The following MYLK4 variants were observed in gnomAD, a reference collection of about 807,000 sequenced individuals.
The protein encoded by MYLK4 is myosin light chain kinase family member 4.
In MYLK4, 46 loss-of-function variants were observed where a neutral mutation model predicts 48.1. The ratio of observed to expected loss-of-function variants is 0.96; its 90% CI spans 0.75 to 1.22. The LOEUF is 1.22. MYLK4 is among the 50% of genes most tolerant of loss of function. MYLK4 has a pLI of 0.00. For missense variants in MYLK4, 451 were observed against 486.1 expected (o/e 0.93, Z 0.68); for synonymous variants, 170 against 180.8 (o/e 0.94, Z 0.48).
intron 2 of MYLK4, among the ~76,000 whole-genome samples, chr6:2,706,526 C>T (rs1392742323): frequency 1.3e-5 from 2 of 151,978 alleles, no homozygotes; most frequent in Non-Finnish European, 2.9e-5. Flanking sequence ...ATTTATACCT[C>T]AGTGAAGCTT....
At position 2,663,856 on chromosome 6, in the gene MYLK4, C is replaced by CTG. The variant is rs1760539892; in HGVS notation, c.*4068_*4069insCA. 6.6e-6 allele frequency: 1 copy of CTG among 152,522 alleles called. No homozygotes were observed. Among genetic ancestry groups the CTG allele is most frequent in the Non-Finnish European group, 1.5e-5 (1 of 68,040 alleles). The allele number at this position is 152,522 out of a possible 1,614,324, so 9.4% of individuals were successfully genotyped here. ...TGACATCTATCAGCTGAGACGACAGCAAAATACACATTAGGTAACATATGA... is the reference window on the plus strand; with the variant it reads ...TGACATCTATCAGCTGAGACGACAGCTGAAAATACACATTAGGTAACATATGA... On this transcript the variant is annotated 3_prime_UTR_variant, in exon 13 of 13. Coordinates refer to ENST00000274643, the MANE Select transcript of MYLK4 (RefSeq NM_001012418.5).
chr6:2,758,277 C>T, the MYLK4 span, among the ~76,000 whole-genome samples: 1 of 151,486 alleles, frequency 6.6e-6, no homozygotes, highest in South Asian at 2.1e-4. Flanking sequence ...TATACCAGGG[C>T]CTTAACAACT....
the MYLK4 span, among the ~76,000 whole-genome samples, chr6:2,764,058 G>A: frequency 1.6e-4 from 24 of 152,226 alleles, no homozygotes; most frequent in Non-Finnish European, 3.4e-4. Flanking sequence ...CTGGAACCCG[G>A]GAGGCGGAGG....
At position 2,678,509 on chromosome 6, in the gene MYLK4, A is replaced by T; in HGVS notation, c.888-137T>A. ...ATCCTGAAGCATAATTTTATAACAT[A>T]TTATTGTAATCAAGAAAATGCTTGC... On this transcript the variant is annotated intron_variant, in intron 9 of 12. Coordinates refer to ENST00000274643, the MANE Select transcript of MYLK4 (RefSeq NM_001012418.5). 3 of 975,646 alleles carry T rather than the reference A, an allele frequency of 3.1e-6. No individual in the cohort carries two copies. The South Asian group carries it at 5.5e-5, about 18-fold the overall frequency. 60.4% of individuals were successfully genotyped at this position (975,646 alleles called of 1,614,324 possible).
intron 2 of MYLK4, among the ~76,000 whole-genome samples, chr6:2,747,309 C>T (rs1044337492): frequency 6.6e-6 from 1 of 152,116 alleles, no homozygotes; most frequent in African/African-American, 2.4e-5. Flanking sequence ...AGTAACATCC[C>T]TACATATATT....
At chr6:2,721,620 G>A (rs1416624048) in intron 2 of MYLK4, among the ~76,000 whole-genome samples, 1 of 152,172 alleles carries the variant, frequency 6.6e-6, no homozygotes, top group Non-Finnish European at 1.5e-5. Flanking sequence ...ACCCAAGACT[G>A]CCTCATATGT....
chr6:2,763,872 C>T, the MYLK4 span, among the ~76,000 whole-genome samples: 3 of 151,372 alleles, frequency 2.0e-5, no homozygotes, highest in South Asian at 4.2e-4. Flanking sequence ...CACGGTCGGG[C>T]GCAGTGGCTC....
upstream of MYLK4, among the ~76,000 whole-genome samples, chr6:2,753,870 TAA>T (rs1215898066): frequency 6.6e-6 from 1 of 150,628 alleles, no homozygotes; most frequent in Non-Finnish European, 1.5e-5. Flanking sequence ...ATGAAAAAAA[TAA>T]AAGATAGGTT....
At chr6:2,749,500 G>GTTTAA in intron 1 of MYLK4, 94 bp from the exon 2 acceptor site, 1 of 422,582 alleles carries the variant, frequency 2.4e-6, no homozygotes, top group Non-Finnish European at 4.2e-6. Flanking sequence ...AGTCCCTTCT[G>GTTTAA]TTTAAACTGG....
chr6:2,767,617 A>G, the MYLK4 span, among the ~76,000 whole-genome samples: 1 of 152,348 alleles, frequency 6.6e-6, no homozygotes, highest in Non-Finnish European at 1.5e-5. Context: ...CCATGGATTT[A>G]GTTGTTAACC....
intron 2 of MYLK4, among the ~76,000 whole-genome samples, chr6:2,745,127 C>A (rs1018079287): frequency 6.6e-6 from 1 of 152,148 alleles, no homozygotes; most frequent in African/African-American, 2.4e-5. Flanking sequence ...CCGAGGAAAG[C>A]AGTGAGAAGC....
intron 2 of MYLK4, among the ~76,000 whole-genome samples, chr6:2,707,264 T>C (rs1395208275): frequency 1.3e-5 from 2 of 152,232 alleles, no homozygotes; most frequent in Admixed American, 1.3e-4. Context: ...CTCATTATTT[T>C]CATGTATTAA....
At chr6:2,686,251 A>G (rs1009961863) in intron 4 of MYLK4, among the ~76,000 whole-genome samples, 3 of 152,208 alleles carry the variant, frequency 2.0e-5, no homozygotes, top group Non-Finnish European at 4.4e-5. Context: ...ACAATGCAGA[A>G]TCCTTCTGAA....
intron 2 of MYLK4, among the ~76,000 whole-genome samples, chr6:2,699,425 G>A (rs1762204563): frequency 6.7e-6 from 1 of 148,910 alleles, no homozygotes; most frequent in South Asian, 2.2e-4. Flanking sequence ...CCAGTAGCTG[G>A]GATTACAGGT....
intron 2 of MYLK4, among the ~76,000 whole-genome samples, chr6:2,723,634 G>T (rs1285859078): frequency 6.6e-6 from 1 of 152,154 alleles, no homozygotes; most frequent in Non-Finnish European, 1.5e-5. Context: ...AGAGCACCTT[G>T]TAAACTTACG....
chr6:2,757,377 T>C, the MYLK4 span, among the ~76,000 whole-genome samples: 2 of 152,140 alleles, frequency 1.3e-5, no homozygotes, highest in Non-Finnish European at 2.9e-5. Flanking sequence ...AGAGGGCAGA[T>C]AGGCAGCCTT....
Position 2,679,356 on chromosome 6 carries a change from C to A in MYLK4, c.811G>T (p.Ala271Ser). 1.2e-6 allele frequency: 2 copies of A among 1,614,090 alleles called. No homozygotes were observed. Among genetic ancestry groups the A allele is most frequent in the East Asian group, 2.2e-5 (1 of 44,880 alleles). The change falls in exon 9 of 13, where the codon GCC becomes TCC. Residue 271 changes from alanine (A) to serine (S), a missense_variant. Physicochemically the swap from Ala to Ser is moderately conservative, Grantham distance 99. Transcript: ENST00000274643. ...AAATCATAGTTCACAACTTCAGGGGCGAGAAATTCTGGGGTTCCAAAGTTC... is the reference window on the plus strand; with the variant it reads ...AAATCATAGTTCACAACTTCAGGGGAGAGAAATTCTGGGGTTCCAAAGTTC... ...KVNFGTPEFL[A>S]PEVVNYDFVS... is the part of the protein sequence containing the mutation.
chr6:2,730,422 T>G (rs1165072169), intron 2 of MYLK4, among the ~76,000 whole-genome samples: 1 of 152,194 alleles, frequency 6.6e-6, no homozygotes, highest in Non-Finnish European at 1.5e-5. Flanking sequence ...TTTCCTTCAT[T>G]GCAGCATTGA....
At chr6:2,725,294 C>A (rs1763217008) in intron 2 of MYLK4, among the ~76,000 whole-genome samples, 1 of 152,088 alleles carries the variant, frequency 6.6e-6, no homozygotes, top group East Asian at 1.9e-4. Flanking sequence ...TCCATCTCCA[C>A]AAAAAGAATT....
Sources: allele counts gnomAD v4.1 joint callset (sites outside exome capture counted in the v4.1 genomes callset), GRCh38; gene constraint gnomAD v4.1.1; transcripts MANE v1.5; gene names NCBI Gene and HGNC (gene_info 2026-07-23, HGNC 2026-07-21).